The following GEMIN7 variants were observed in gnomAD, a reference collection of about 807,000 sequenced individuals.
The protein encoded by GEMIN7 is gem nuclear organelle associated protein 7.
In GEMIN7, 7 loss-of-function variants were observed where a neutral mutation model predicts 7.8. That is an observed-to-expected ratio of 0.90 (90% CI 0.51 to 1.69). The LOEUF is 1.69. GEMIN7 is among the 40% of genes most tolerant of loss of function. GEMIN7 has a pLI of 0.00. For missense variants in GEMIN7, 159 were observed against 176.2 expected (o/e 0.90, Z 0.55); for synonymous variants, 68 against 72.4 (o/e 0.94, Z 0.31).
chr19:45,075,680 C>T (rs1437502384), upstream of GEMIN7: 1 of 1,606,772 alleles, frequency 6.2e-7, no homozygotes. Context: ...AGCCCTCGAA[C>T]TTGAGAGGGG....
intron 2 of GEMIN7, among the ~76,000 whole-genome samples, chr19:45,082,996 A>C (rs1967552400): frequency 6.6e-6 from 1 of 152,186 alleles, no homozygotes; most frequent in Non-Finnish European, 1.5e-5. Context: ...GTTTTGTTGG[A>C]GAACAGCCAT....
At chr19:45,087,610 C>T (rs771968710) in intron 2 of GEMIN7, among the ~76,000 whole-genome samples, 4 of 152,154 alleles carry the variant, frequency 2.6e-5, no homozygotes, top group South Asian at 2.1e-4. Context: ...CCAGGCATCG[C>T]GCCTGAGGAT....
intron 2 of GEMIN7, among the ~76,000 whole-genome samples, chr19:45,086,156 C>T (rs995794877): frequency 6.6e-6 from 1 of 150,984 alleles, no homozygotes; most frequent in Non-Finnish European, 1.5e-5. Context: ...CGTGAGCCAC[C>T]ACGCCCGGCC....
chr19:45,089,564 T>A (rs539688989), intron 2 of GEMIN7, among the ~76,000 whole-genome samples: 16 of 152,134 alleles, frequency 1.1e-4, no homozygotes, highest in Non-Finnish European at 1.9e-4. Flanking sequence ...AGAGACAGTG[T>A]CTCACTCTGT....
intron 2 of GEMIN7, among the ~76,000 whole-genome samples, chr19:45,081,823 A>G (rs764367708): frequency 1.8e-4 from 28 of 152,172 alleles, no homozygotes; most frequent in Non-Finnish European, 3.5e-4. Context: ...GAGAGGTTTC[A>G]CCATGTTGAC....
chr19:45,078,599 A>G (rs770956108), upstream of GEMIN7, among the ~76,000 whole-genome samples: 76 of 152,074 alleles, frequency 5.0e-4, no homozygotes, highest in Non-Finnish European at 2.5e-4. Flanking sequence ...GTGTCTGATG[A>G]TATTCTTTCA....
chr19:45,082,975 CAGTA>C (rs996177663), intron 2 of GEMIN7, among the ~76,000 whole-genome samples: 1 of 151,988 alleles, frequency 6.6e-6, no homozygotes, highest in African/African-American at 2.4e-5. Flanking sequence ...TTCAGTGTCC[CAGTA>C]AGTAAGGTTT....
chr19:45,083,540 G>A (rs1042288673), intron 2 of GEMIN7, among the ~76,000 whole-genome samples: 2 of 151,354 alleles, frequency 1.3e-5, no homozygotes, highest in East Asian at 1.9e-4. Flanking sequence ...AGTGGGTGAT[G>A]AGGTTTAGAT....
chr19:45,078,108 T>TC (rs1287032269), upstream of GEMIN7, among the ~76,000 whole-genome samples: 1 of 147,890 alleles, frequency 6.8e-6, no homozygotes, highest in Admixed American at 6.7e-5. Flanking sequence ...TTTTTTTTTT[T>TC]TTTTTTTTTT....
intron 2 of GEMIN7, among the ~76,000 whole-genome samples, 198 bp downstream of exon 2, chr19:45,080,227 C>T (rs1967452942): frequency 6.6e-6 from 1 of 152,216 alleles, no homozygotes; most frequent in Non-Finnish European, 1.5e-5. Context: ...CCTCTACCCT[C>T]CTGGGCACAC....
chr19:45,083,631 C>G (rs1471549071), intron 2 of GEMIN7, among the ~76,000 whole-genome samples: 1 of 123,922 alleles, frequency 8.1e-6, no homozygotes, highest in African/African-American at 3.1e-5. Flanking sequence ...GAGACAGGGT[C>G]TCACTCTTCC....
In GEMIN7 at chr19:45,090,331, A is replaced by G. The variant is rs376909959; in HGVS notation, c.217A>G (p.Met73Val). The change falls in exon 3 of 3, where the codon ATG becomes GTG. Residue 73 changes from methionine to valine, a missense_variant. Met to Val is a conservative substitution (Grantham distance 21). Transcript: ENST00000270257. ...RERYLRSLLA[M>V]VGHQVSFTLH... The stretch of plus-strand genomic sequence containing the variant: ...GCGTTACCTCCGCAGCCTGCTGGCC[A>G]TGGTGGGTCATCAGGTGAGCTTCAC... 17 of 1,614,076 alleles carry G rather than the reference A, an allele frequency of 1.1e-5. No individual in the cohort carries two copies. In the African/African-American group the frequency reaches 1.1e-4, roughly 10 times the overall value.
chr19:45,081,822 C>T (rs763316434), intron 2 of GEMIN7, among the ~76,000 whole-genome samples: 2 of 152,108 alleles, frequency 1.3e-5, no homozygotes, highest in Non-Finnish European at 2.9e-5. Flanking sequence ...AGAGAGGTTT[C>T]ACCATGTTGA....
rs143314152 is a variant in GEMIN7, at chr19:45,084,647, A to G, written c.-9+4618A>G. The stretch of plus-strand genomic sequence containing the variant: ...CTGGAGTGCAGTGGCACAATATCTC[A>G]GCTCACTGCAACCTCTGCCTCCCGG... On this transcript the variant is annotated intron_variant, in intron 2 of 2. Coordinates refer to ENST00000270257, the MANE Select transcript of GEMIN7 (RefSeq NM_024707.3). Among the ~76,000 whole-genome samples, 758 of 152,258 alleles carry G rather than the reference A, an allele frequency of 5.0e-3. 6 individuals carry two copies. The highest frequency in any genetic ancestry group is 0.017 in the African/African-American group (712 of 41,558).
chr19:45,083,629 G>GTC (rs1161346278), intron 2 of GEMIN7, among the ~76,000 whole-genome samples: 5 of 131,954 alleles, frequency 3.8e-5, no homozygotes, highest in Non-Finnish European at 6.3e-5. Flanking sequence ...TTGAGACAGG[G>GTC]TCTCACTCTT....
chr19:45,075,743 A>G, upstream of GEMIN7: 1 of 1,614,070 alleles, frequency 6.2e-7, no homozygotes. Context: ...GGGCCTCTGA[A>G]GAGCTGACAG....
In GEMIN7 at chr19:45,090,804, A is replaced by G. The variant is rs1967871960; in HGVS notation, c.*294A>G. Reference sequence around the variant, plus strand: ...AAGACCGGGGCATCGGGGTGGGGTGATAAAGGATACAACCTGCACAGGGGG... The same window carrying G: ...AAGACCGGGGCATCGGGGTGGGGTGGTAAAGGATACAACCTGCACAGGGGG... On this transcript the variant is annotated 3_prime_UTR_variant, in exon 3 of 3. Transcript: ENST00000270257. 1 of 373,210 alleles carries G rather than the reference A, an allele frequency of 2.7e-6. No individual in the cohort carries two copies. The highest frequency in any genetic ancestry group is 2.0e-5 in the African/African-American group (1 of 49,154). 23.1% of individuals were successfully genotyped at this position (373,210 alleles called of 1,614,324 possible). A position where few individuals can be genotyped will look rare whatever the true frequency, so the allele number is the denominator to read the frequency against.
At chr19:45,080,085 C>A (rs999211043) in intron 2 of GEMIN7, 56 bp downstream of exon 2, 8 of 152,270 alleles carry the variant, frequency 5.3e-5, no homozygotes, top group African/African-American at 1.9e-4. Flanking sequence ...TTGAATCTAA[C>A]AGACTAGTTT....
chr19:45,084,905 A>G (rs1967628686), intron 2 of GEMIN7, among the ~76,000 whole-genome samples: 1 of 152,164 alleles, frequency 6.6e-6, no homozygotes, highest in Non-Finnish European at 1.5e-5. Context: ...ACAGGCATGC[A>G]CCACCACTAA....
Sources: allele counts gnomAD v4.1 joint callset (sites outside exome capture counted in the v4.1 genomes callset), GRCh38; gene constraint gnomAD v4.1.1; transcripts MANE v1.5; gene names NCBI Gene and HGNC (gene_info 2026-07-23, HGNC 2026-07-21).